The following PLPPR1 variants were observed in gnomAD, a reference collection of about 807,000 sequenced individuals.
PLPPR1 encodes the protein phospholipid phosphatase related 1, also known as phospholipid phosphatase-related protein type 1.
In PLPPR1, 10 loss-of-function variants were observed where a neutral mutation model predicts 33.1. That is an observed-to-expected ratio of 0.30 (90% CI 0.19 to 0.51). The LOEUF (loss-of-function observed/expected upper bound fraction) is 0.51, where lower values mean the gene tolerates loss of function less well. PLPPR1 is among the 20% of genes least tolerant of loss of function. The probability of loss-of-function intolerance (pLI) is 0.97; values close to 1 mark genes in which losing one functional copy is unlikely to be tolerated. For missense variants in PLPPR1, 304 were observed against 408.1 expected, an observed-to-expected ratio of 0.74 and a Z score of 2.20; for synonymous variants, 151 against 151.0, an observed-to-expected ratio of 1.00 and a Z score of 0.00.
rs149869812 is a variant in PLPPR1, at chr9:101,253,455, G to A, written c.64-16425G>A. 6.4e-3 allele frequency among the ~76,000 whole-genome samples: 975 copies of A among 152,070 alleles called. 9 individuals are homozygous for A. The highest frequency in any genetic ancestry group is 0.022 in the African/African-American group (924 of 41,494). ...ACAGCTACTTGGGAGGCTGAGGCAC[G>A]AGAATTGCTTGAACCCAGGAGGCTG... On this transcript the variant is annotated intron_variant, in intron 2 of 7. Coordinates refer to ENST00000374874, the MANE Select transcript of PLPPR1 (RefSeq NM_207299.2).
chr9:101,307,032 G>T (rs1472867702), intron 4 of PLPPR1, among the ~76,000 whole-genome samples: 1 of 152,192 alleles, frequency 6.6e-6, no homozygotes, highest in African/African-American at 2.4e-5. Context: ...GGGGCAGGTG[G>T]GCTTCCCAGG....
chr9:101,033,049 T>G (rs1326664861), intron 1 of PLPPR1, among the ~76,000 whole-genome samples: 1 of 152,186 alleles, frequency 6.6e-6, no homozygotes, highest in East Asian at 1.9e-4. Context: ...GGATCTCACT[T>G]AAAGAGCTCA....
chr9:101,245,588 T>C (rs922394038), intron 2 of PLPPR1, among the ~76,000 whole-genome samples: 1 of 152,108 alleles, frequency 6.6e-6, no homozygotes, highest in African/African-American at 2.4e-5. Flanking sequence ...ACTTACACTA[T>C]ATATTTTTTC....
chr9:101,282,465 G>A (rs529263017), intron 3 of PLPPR1, among the ~76,000 whole-genome samples: 12 of 152,226 alleles, frequency 7.9e-5, no homozygotes, highest in South Asian at 2.1e-4. Flanking sequence ...CATGTTCAAC[G>A]GAGAAAAGTT....
chr9:101,157,617 A>G lies in PLPPR1; in HGVS notation c.-45-27833A>G, dbSNP rs190378455. Among the ~76,000 whole-genome samples the G allele has an allele frequency of 1.3e-3, 191 of 152,342 alleles. 1 individual carries two copies. The highest frequency in any genetic ancestry group is 4.4e-3 in the African/African-American group (182 of 41,580). ...TATCGGTACTTAAATAGTTTGCAGA[A>G]GAATAGACTCCAGCAAGGCAGCCTA... On this transcript the variant is annotated intron_variant, in intron 1 of 7. Coordinates refer to ENST00000374874, the MANE Select transcript of PLPPR1 (RefSeq NM_207299.2).
chr9:101,080,787 G>C (rs1309486433), intron 1 of PLPPR1, among the ~76,000 whole-genome samples: 1 of 152,174 alleles, frequency 6.6e-6, no homozygotes, highest in Non-Finnish European at 1.5e-5. Context: ...GCACTCAACT[G>C]TTTGGAGACC....
rs1426473058 is a variant in PLPPR1 at position 101,108,840 on chromosome 9, T to C, written c.-45-76610T>C. Among the ~76,000 whole-genome samples, 3 of 152,206 alleles carry C rather than the reference T, an allele frequency of 2.0e-5. No homozygotes were observed. The East Asian group carries it at 5.8e-4, about 29-fold the overall frequency. The stretch of plus-strand genomic sequence containing the variant: ...AATGTGTTTTTATGTTAATATGCAA[T>C]GGGTTTATTAGTGTTATTCCTGAAT... On this transcript the variant is annotated intron_variant, in intron 1 of 7. Transcript: ENST00000374874.
At chr9:101,114,048 G>C (rs192273283) in intron 1 of PLPPR1, among the ~76,000 whole-genome samples, 83 of 123,144 alleles carry the variant, frequency 6.7e-4, no homozygotes, top group Non-Finnish European at 1.3e-3. Flanking sequence ...ATGGTCTGAA[G>C]CATTAAAAAA....
intron 4 of PLPPR1, among the ~76,000 whole-genome samples, chr9:101,302,645 A>T (rs1251065063): frequency 6.6e-6 from 1 of 152,220 alleles, no homozygotes; most frequent in East Asian, 1.9e-4. Context: ...AACAGTGTTA[A>T]GAATTCCTTA....
chr9:101,037,838 C>G (rs962101022), intron 1 of PLPPR1, among the ~76,000 whole-genome samples: 1 of 145,782 alleles, frequency 6.9e-6, no homozygotes, highest in Non-Finnish European at 1.5e-5. Flanking sequence ...AGGTTTGAGA[C>G]AGTCTTTTGG....
At chr9:101,223,832 GAACA>G (rs1260948983) in intron 2 of PLPPR1, among the ~76,000 whole-genome samples, 4 of 151,996 alleles carry the variant, frequency 2.6e-5, no homozygotes, top group Non-Finnish European at 5.9e-5. Context: ...AGCTGCATGA[GAACA>G]AACCAATACA....
chr9:101,047,183 C>T (rs1437876547), intron 1 of PLPPR1, among the ~76,000 whole-genome samples: 4 of 152,138 alleles, frequency 2.6e-5, no homozygotes, highest in Admixed American at 2.0e-4. Flanking sequence ...CTTATTTTTA[C>T]TCTGAGATTC....
intron 1 of PLPPR1, among the ~76,000 whole-genome samples, chr9:101,151,513 A>G (rs1588048994): frequency 6.6e-6 from 1 of 152,234 alleles, no homozygotes; most frequent in Non-Finnish European, 1.5e-5. Flanking sequence ...GATGTGTTCT[A>G]GAATCATACA....
chr9:101,237,238 A>C (rs890050334), intron 2 of PLPPR1, among the ~76,000 whole-genome samples: 1 of 151,878 alleles, frequency 6.6e-6, no homozygotes, highest in African/African-American at 2.4e-5. Flanking sequence ...AAATTAGTAC[A>C]GCCTCTGTGG....
chr9:101,083,650 C>T (rs1449406147), intron 1 of PLPPR1, among the ~76,000 whole-genome samples: 2 of 152,058 alleles, frequency 1.3e-5, no homozygotes, highest in African/African-American at 4.8e-5. Flanking sequence ...AGCAGTGTCC[C>T]CGTAAGAGGA....
intron 1 of PLPPR1, among the ~76,000 whole-genome samples, chr9:101,138,226 C>T (rs1047649978): frequency 8.5e-5 from 13 of 152,146 alleles, no homozygotes; most frequent in African/African-American, 2.9e-4. Context: ...ATTCCTGTGC[C>T]TCAATTTCCT....
chr9:101,122,472 T>C (rs183102758), intron 1 of PLPPR1, among the ~76,000 whole-genome samples: 1 of 152,318 alleles, frequency 6.6e-6, no homozygotes, highest in Admixed American at 6.5e-5. Context: ...GTATAAAGCT[T>C]AATTTTTTTT....
chr9:101,245,864 TTG>T (rs1358261994), intron 2 of PLPPR1, among the ~76,000 whole-genome samples: 6 of 151,604 alleles, frequency 4.0e-5, no homozygotes, highest in Non-Finnish European at 7.4e-5. Flanking sequence ...ATTACATATT[TTG>T]ACATAGACTC....
At chr9:101,292,776 G>T (rs1002796370) in intron 4 of PLPPR1, among the ~76,000 whole-genome samples, 5 of 151,576 alleles carry the variant, frequency 3.3e-5, no homozygotes, top group South Asian at 2.1e-4. Context: ...TCACCACCAG[G>T]CCTGCTCTAA....
Sources: allele counts gnomAD v4.1 joint callset (sites outside exome capture counted in the v4.1 genomes callset), GRCh38; gene constraint gnomAD v4.1.1; transcripts MANE v1.5; gene names NCBI Gene and HGNC (gene_info 2026-07-23, HGNC 2026-07-21).